Variants in FBN2 observed in about 807,000 individuals in gnomAD.
The protein encoded by FBN2 is fibrillin-2.
FBN2 carries 105 observed loss-of-function variants against 355.6 expected under a neutral mutation model. The observed-to-expected ratio is 0.30, with a 90% CI of 0.25 to 0.35. The LOEUF (loss-of-function observed/expected upper bound fraction) is 0.35, where lower values mean the gene tolerates loss of function less well. FBN2 is among the 10% of genes least tolerant of loss of function. FBN2 has a pLI of 1.00. For synonymous variants in FBN2, 1,350 were observed against 1,301.2 expected (o/e 1.04, Z -0.81); for missense variants, 3,280 against 3,758.7 (o/e 0.87, Z 3.33).
chr5:128,322,602 T>C (rs1750412393), intron 34 of FBN2, among the ~76,000 whole-genome samples: 1 of 152,116 alleles, frequency 6.6e-6, no homozygotes, highest in Non-Finnish European at 1.5e-5. Flanking sequence ...TGTAGATGTG[T>C]GGTATTATTT....
At position 128,318,985 on chromosome 5, in the gene FBN2, G is replaced by T; in HGVS notation, c.4488C>A (p.Ser1496=). 1.2e-6 allele frequency: 2 copies of T among 1,608,494 alleles called. No homozygotes were observed. The highest frequency in any genetic ancestry group is 1.7e-6 in the Non-Finnish European group (2 of 1,175,150). ...SRSCQDIDEC[S]FQNICVFGTC... The stretch of plus-strand genomic sequence containing the variant: ...TTCCAAAGACACAAATGTTTTGGAA[G>T]GAGCATTCATCAATATCTGAAGATT... Residue 1496 remains serine (S), a synonymous_variant, in exon 35 of 65, where the codon TCC becomes TCA. Transcript: ENST00000262464.
rs766579063 is a variant in FBN2 at position 128,328,811 on chromosome 5, C to T, written c.4356G>A (p.Glu1452=). The part of the protein sequence containing the change: ...GDGFTCSDVD[E]CAENINLCEN... ...CACAGAGGTTTATGTTTTCTGCACA[C>T]TCATCAACATCTGTGCAAAAAAGCA... is the stretch of plus-strand genomic sequence containing the variant. The change falls in exon 34 of 65, where the codon GAG becomes GAA. Residue 1452 remains glutamate (E), a synonymous_variant. Transcript: ENST00000262464. 11 of 1,614,144 alleles carry T rather than the reference C, an allele frequency of 6.8e-6. No individual in the cohort carries two copies. Among genetic ancestry groups the T allele is most frequent in the Non-Finnish European group, 9.3e-6 (11 of 1,180,006 alleles).
intron 33 of FBN2, among the ~76,000 whole-genome samples, chr5:128,329,959 T>G (rs1750649481): frequency 6.6e-6 from 1 of 152,210 alleles, no homozygotes. Context: ...CAGAAGCTAT[T>G]ATTTACTGAA....
At chr5:128,521,620 T>C (rs946624835) in intron 4 of FBN2, among the ~76,000 whole-genome samples, 3 of 152,212 alleles carry the variant, frequency 2.0e-5, no homozygotes, top group Admixed American at 6.5e-5. Context: ...TCAATTAAAA[T>C]GTGTGGAATT....
At chr5:128,456,458 C>T (rs549432546) in intron 6 of FBN2, among the ~76,000 whole-genome samples, 176 of 152,238 alleles carry the variant, frequency 1.2e-3, no homozygotes, top group Middle Eastern at 6.8e-3. Context: ...CTTCATTAAA[C>T]GGATCCTGCT....
intron 48 of FBN2, among the ~76,000 whole-genome samples, chr5:128,293,242 C>A (rs1394581411): frequency 6.6e-6 from 1 of 151,902 alleles, no homozygotes; most frequent in East Asian, 1.9e-4. Flanking sequence ...ACCATTTTTT[C>A]ACACTTTGGG....
intron 7 of FBN2, among the ~76,000 whole-genome samples, chr5:128,441,584 T>C (rs1366377205): frequency 6.6e-6 from 1 of 152,260 alleles, no homozygotes; most frequent in Admixed American, 6.5e-5. Flanking sequence ...GTAGTTTAAA[T>C]ATTGTCTGGA....
At chr5:128,272,705 T>A (rs977231570) in intron 61 of FBN2, among the ~76,000 whole-genome samples, 1 of 152,028 alleles carries the variant, frequency 6.6e-6, no homozygotes, top group Admixed American at 6.6e-5. Flanking sequence ...ACATGTGGAA[T>A]AATTTCTTTA....
chr5:128,263,742 A>AT (rs1765044045), intron 62 of FBN2, 86 bp from the exon 63 acceptor site: 1 of 828,476 alleles, frequency 1.2e-6, no homozygotes, highest in Non-Finnish European at 2.0e-6. Flanking sequence ...AGTGCCTGTG[A>AT]TTTTATGGCA....
intron 19 of FBN2, among the ~76,000 whole-genome samples, chr5:128,358,003 T>C (rs1751548213): frequency 6.6e-6 from 1 of 152,138 alleles, no homozygotes; most frequent in Admixed American, 6.6e-5. Flanking sequence ...AAATACTTGA[T>C]CAAGTAGAAA....
chr5:128,442,358 C>A (rs1208138030), intron 7 of FBN2: 1 of 456,598 alleles, frequency 2.2e-6, no homozygotes, highest in Admixed American at 2.3e-5. Context: ...CCTGCTTGTG[C>A]TTTATCCACA....
At chr5:128,340,895 A>G (rs1039432949) in intron 25 of FBN2, among the ~76,000 whole-genome samples, 1 of 151,792 alleles carries the variant, frequency 6.6e-6, no homozygotes, top group Non-Finnish European at 1.5e-5. Context: ...TGGCTTTTGA[A>G]TTGGTTCTTG....
chr5:128,404,719 G>A (rs1284727715), intron 8 of FBN2, among the ~76,000 whole-genome samples: 2 of 152,188 alleles, frequency 1.3e-5, no homozygotes, highest in African/African-American at 4.8e-5. Flanking sequence ...GCCTAACAAA[G>A]CCCACAGTCT....
In FBN2 at chr5:128,286,891, T is replaced by G. The variant is rs191452739; in HGVS notation, c.6881-42A>C. ...AAATTAAAAATTATCTGGAGCAAGC[T>G]GTAGTTTAGTACTTTTAAGTCACAG... On this transcript the variant is annotated intron_variant, in intron 54 of 64. Transcript: ENST00000262464. 7.8e-5 allele frequency: 124 copies of G among 1,591,756 alleles called. No individual in the cohort carries two copies. The African/African-American group carries it at 1.6e-3, about 20-fold the overall frequency.
chr5:128,480,162 G>A (rs1490315337), intron 5 of FBN2, among the ~76,000 whole-genome samples: 3 of 135,904 alleles, frequency 2.2e-5, no homozygotes, highest in Non-Finnish European at 4.7e-5. Context: ...TATTCACAGA[G>A]AGAATATATA....
intron 6 of FBN2, among the ~76,000 whole-genome samples, chr5:128,447,407 T>G (rs186076383): frequency 1.1e-4 from 17 of 152,096 alleles, no homozygotes; most frequent in Admixed American, 9.2e-4. Flanking sequence ...TGGGACTGTC[T>G]CTCTTTTACA....
At chr5:128,476,186 CTG>C (rs1250467362) in intron 5 of FBN2, among the ~76,000 whole-genome samples, 8 of 152,106 alleles carry the variant, frequency 5.3e-5, no homozygotes, top group African/African-American at 1.7e-4. Flanking sequence ...AAATAGATAA[CTG>C]AAGTATAATT....
intron 5 of FBN2, among the ~76,000 whole-genome samples, chr5:128,478,165 G>A: frequency 6.6e-6 from 1 of 152,206 alleles, no homozygotes. Flanking sequence ...TGAACTATGA[G>A]TAAGTATTTT....
Position 128,263,639 on chromosome 5 carries a change from T to C in FBN2, c.7978A>G (p.Asn2660Asp). 1.2e-6 allele frequency: 2 copies of C among 1,613,752 alleles called. No individual in the cohort carries two copies. The highest frequency in any genetic ancestry group is 1.7e-6 in the Non-Finnish European group (2 of 1,179,662). Residue 2660 changes from asparagine (N) to aspartate (D), a missense_variant, in exon 63 of 65, where the codon AAT becomes GAT. Transcript: ENST00000262464. ...GAAGCAGAGCCACAGGCATTGGGATTGGAGCATTCATTCTCATCTAGTGAA... is the reference window on the plus strand; with the variant it reads ...GAAGCAGAGCCACAGGCATTGGGATCGGAGCATTCATTCTCATCTAGTGAA... ...NQCVDENECS[N>D]PNACGSASCY...
Sources: allele counts gnomAD v4.1 joint callset (sites outside exome capture counted in the v4.1 genomes callset), GRCh38; gene constraint gnomAD v4.1.1; transcripts MANE v1.5; gene names NCBI Gene and HGNC (gene_info 2026-07-23, HGNC 2026-07-21).